EPB41L5: variants seen among roughly 807,000 people sequenced by gnomAD.
The protein encoded by EPB41L5 is band 4.1-like protein 5.
EPB41L5 carries 55 observed loss-of-function variants against 106.6 expected under a neutral mutation model. That is an observed-to-expected ratio of 0.52 (90% CI 0.42 to 0.65). EPB41L5 has a LOEUF of 0.65. EPB41L5 is among the 30% of genes least tolerant of loss of function. The pLI is 0.00. For missense variants in EPB41L5, 871 were observed against 882.1 expected (o/e 0.99, Z 0.16); for synonymous variants, 297 against 306.7 (o/e 0.97, Z 0.33).
At chr2:120,070,989 G>A (rs1004403919) in intron 3 of EPB41L5, among the ~76,000 whole-genome samples, 3 of 152,238 alleles carry the variant, frequency 2.0e-5, no homozygotes, top group Admixed American at 1.3e-4. Flanking sequence ...TCTGGCCAGC[G>A]CAATCAGGCA....
At chr2:120,063,669 G>A (rs998392869) in intron 3 of EPB41L5, among the ~76,000 whole-genome samples, 1 of 152,150 alleles carries the variant, frequency 6.6e-6, no homozygotes, top group Admixed American at 6.5e-5. Context: ...TTCCTGGCCG[G>A]GTGCAGTGGC....
intron 1 of EPB41L5, among the ~76,000 whole-genome samples, chr2:120,016,648 C>T (rs1337836427): frequency 1.3e-5 from 2 of 151,674 alleles, no homozygotes; most frequent in African/African-American, 2.4e-5. Context: ...AGGACTTTTT[C>T]GTATCTTGCT....
chr2:120,128,763 C>G (rs1192748341), intron 17 of EPB41L5, among the ~76,000 whole-genome samples: 5 of 149,798 alleles, frequency 3.3e-5, no homozygotes, highest in Admixed American at 6.6e-5. Flanking sequence ...AGTCTCAGGT[C>G]AGAGAAATAA....
intron 2 of EPB41L5, among the ~76,000 whole-genome samples, chr2:120,028,805 G>A (rs759413612): frequency 1.6e-4 from 24 of 152,076 alleles, no homozygotes; most frequent in Non-Finnish European, 2.4e-4. Flanking sequence ...TGGGAGGGGC[G>A]CATATCAATT....
chr2:120,116,556 C>G (rs565341810), intron 16 of EPB41L5, among the ~76,000 whole-genome samples: 4 of 152,260 alleles, frequency 2.6e-5, no homozygotes, highest in East Asian at 1.9e-4. Context: ...GGGTCTTGCT[C>G]TCTCTTCCAG....
chr2:120,131,668 C>G lies in EPB41L5; in HGVS notation c.1552C>G (p.Pro518Ala). Residue 518 changes from proline (P) to alanine (A), a missense_variant, in exon 18 of 25, where the codon CCT becomes GCT. By Grantham distance (27) the Pro-to-Ala change is conservative. Coordinates refer to ENST00000263713, the MANE Select transcript of EPB41L5 (RefSeq NM_020909.4). ...KLKQLEMENS[P>A]LLSPRSNIDV... ...CAAACAGCTTGAGATGGAGAACAGT[C>G]CTTTGCTGTCCCCTCGATCCAACAT... 6.2e-7 allele frequency: 1 copy of G among 1,613,706 alleles called. No individual in the cohort carries two copies. The highest frequency in any genetic ancestry group is 8.5e-7 in the Non-Finnish European group (1 of 1,179,842).
chr2:120,101,160 C>T (rs995499739), intron 16 of EPB41L5, among the ~76,000 whole-genome samples: 3 of 152,106 alleles, frequency 2.0e-5, no homozygotes, highest in African/African-American at 4.8e-5. Flanking sequence ...TTCCCAGGTC[C>T]GTAAGGAAAG....
At chr2:120,026,891 G>A (rs1678359536) in intron 2 of EPB41L5, among the ~76,000 whole-genome samples, 1 of 152,030 alleles carries the variant, frequency 6.6e-6, no homozygotes, top group South Asian at 2.1e-4. Context: ...TTTAAAAATG[G>A]GCAAAGGATC....
At chr2:120,024,285 G>C (rs943885496) in intron 2 of EPB41L5, among the ~76,000 whole-genome samples, 1 of 152,118 alleles carries the variant, frequency 6.6e-6, no homozygotes, top group African/African-American at 2.4e-5. Flanking sequence ...TCCAGTTTTT[G>C]CCCATTCAGT....
At chr2:120,117,574 A>G (rs1216811027) in intron 16 of EPB41L5, among the ~76,000 whole-genome samples, 1 of 152,210 alleles carries the variant, frequency 6.6e-6, no homozygotes, top group African/African-American at 2.4e-5. Context: ...ACAAAGGATC[A>G]AGAAAGACTG....
At chr2:120,024,319 A>G (rs1391204808) in intron 2 of EPB41L5, among the ~76,000 whole-genome samples, 5 of 152,206 alleles carry the variant, frequency 3.3e-5, no homozygotes, top group African/African-American at 1.2e-4. Context: ...TGGGTTTGTC[A>G]TAAAAAGCTC....
chr2:120,101,026 G>C (rs1684112174), intron 16 of EPB41L5, among the ~76,000 whole-genome samples: 1 of 152,202 alleles, frequency 6.6e-6, no homozygotes, highest in Non-Finnish European at 1.5e-5. Context: ...AAGACCATCA[G>C]ACAGCTGTCC....
chr2:120,101,384 C>T (rs1286745891), intron 16 of EPB41L5, among the ~76,000 whole-genome samples: 2 of 152,052 alleles, frequency 1.3e-5, no homozygotes, highest in African/African-American at 4.8e-5. Flanking sequence ...AGTAAATATA[C>T]AAATATGGAT....
chr2:120,169,254 T>G (rs1287988064), intron 24 of EPB41L5, among the ~76,000 whole-genome samples: 1 of 152,226 alleles, frequency 6.6e-6, no homozygotes, highest in Non-Finnish European at 1.5e-5. Context: ...GGTCTTTCTT[T>G]TAGTAAATCA....
chr2:120,087,479 C>G lies in EPB41L5; in HGVS notation c.873+239C>G, dbSNP rs1457977794. On this transcript the variant is annotated intron_variant, in intron 11 of 24. Transcript: ENST00000263713. ...TCTTGTTTCCTCATTGATCGTATATCTGAGGTGTATAAAAAATTACATTTA... is the reference window on the plus strand; with the variant it reads ...TCTTGTTTCCTCATTGATCGTATATGTGAGGTGTATAAAAAATTACATTTA... 3.9e-5 allele frequency among the ~76,000 whole-genome samples: 6 copies of G among 152,204 alleles called. No individual in the cohort carries two copies. In the East Asian group the frequency reaches 9.7e-4, roughly 24 times the overall value.
In EPB41L5 at chr2:120,154,930, C is replaced by CA. The variant is rs200194019; in HGVS notation, c.1794-5941dup. Among the ~76,000 whole-genome samples the CA allele has an allele frequency of 1.0e-3, 147 of 147,314 alleles. 1 individual carries two copies. Among genetic ancestry groups the CA allele is most frequent in the African/African-American group, 2.8e-3 (114 of 40,314 alleles). The stretch of plus-strand genomic sequence containing the variant: ...GACAGAGCAAGACTCCATATCAAAA[C>CA]AAAAAAAAAATTGCATATGTACACA... On this transcript the variant is annotated intron_variant, in intron 20 of 24. Transcript: ENST00000263713.
intron 20 of EPB41L5, among the ~76,000 whole-genome samples, chr2:120,149,182 A>G (rs567148426): frequency 1.3e-5 from 2 of 151,898 alleles, no homozygotes; most frequent in East Asian, 3.9e-4. Context: ...TTATTTTTGT[A>G]GTAACAGCTT....
At chr2:120,098,850 TTAGAA>T (rs1482861733) in intron 14 of EPB41L5, among the ~76,000 whole-genome samples, 1 of 152,250 alleles carries the variant, frequency 6.6e-6, no homozygotes, top group African/African-American at 2.4e-5. Flanking sequence ...TCTCACCTTG[TTAGAA>T]AGGCTTCTGG....
chr2:120,088,191 T>C (rs1167197583), intron 11 of EPB41L5, among the ~76,000 whole-genome samples: 1 of 152,208 alleles, frequency 6.6e-6, no homozygotes, highest in African/African-American at 2.4e-5. Flanking sequence ...TTCATTTTCC[T>C]CTGCTCAGTA....
Sources: gnomAD v4.1 joint callset for allele counts (sites outside exome capture counted in the v4.1 genomes callset) on GRCh38, gnomAD v4.1.1 for gene constraint, MANE v1.5 for transcripts, NCBI Gene and HGNC (gene_info 2026-07-23, HGNC 2026-07-21) for gene names.